PADI2: variants seen among roughly 807,000 people sequenced by gnomAD.
The protein encoded by PADI2 is protein-arginine deiminase type-2.
Under a neutral mutation model 81.1 loss-of-function variants are expected in PADI2, and 70 were observed. That is an observed-to-expected ratio of 0.86 (90% CI 0.71 to 1.05). The LOEUF (loss-of-function observed/expected upper bound fraction) is 1.05. Ranked by LOEUF, PADI2 falls within the 50% of genes least tolerant of loss-of-function variation. PADI2 has a pLI of 0.00. For missense variants in PADI2, 853 were observed against 889.9 expected, an observed-to-expected ratio of 0.96 and a Z score of 0.53; for synonymous variants, 338 against 358.0, an observed-to-expected ratio of 0.94 and a Z score of 0.63.
At chr1:17,072,684 C>T (rs766962025) in intron 13 of PADI2, among the ~76,000 whole-genome samples, 1 of 152,200 alleles carries the variant, frequency 6.6e-6, no homozygotes, top group African/African-American at 2.4e-5. Flanking sequence ...CTGACAATGA[C>T]GATGCCTGAC....
Position 17,086,679 on chromosome 1 carries a change from A to T in PADI2, c.676T>A (p.Tyr226Asn). Reference protein sequence around the residue: ...YVENPFFGQRYIHILGRRKLY... With the variant: ...YVENPFFGQRNIHILGRRKLY... ...TTCCGCCGGCCCAGGATGTGGATATAGCGTTGGCCGAAGAACGGGTCTGGA... is the reference window on the plus strand; with the variant it reads ...TTCCGCCGGCCCAGGATGTGGATATTGCGTTGGCCGAAGAACGGGTCTGGA... Residue 226 changes from tyrosine to asparagine, a missense_variant, in exon 7 of 16, where the codon TAT becomes AAT. Transcript: ENST00000375486. 1 of 1,613,994 alleles carries T rather than the reference A, an allele frequency of 6.2e-7. No individual in the cohort carries two copies. Among genetic ancestry groups the T allele is most frequent in the Non-Finnish European group, 8.5e-7 (1 of 1,179,986 alleles).
chr1:17,088,777 C>T (rs995291694), intron 6 of PADI2, among the ~76,000 whole-genome samples: 2 of 151,740 alleles, frequency 1.3e-5, no homozygotes, highest in Admixed American at 6.6e-5. Context: ...CATGGTGGTG[C>T]GTGCCTGTAA....
At chr1:17,099,581 A>G (rs1406887966) in intron 3 of PADI2, among the ~76,000 whole-genome samples, 1 of 152,180 alleles carries the variant, frequency 6.6e-6, no homozygotes, top group Non-Finnish European at 1.5e-5. Context: ...CCTTGGCGGG[A>G]TTGGGACAAA....
intron 6 of PADI2, among the ~76,000 whole-genome samples, chr1:17,090,579 G>C (rs984482735): frequency 8.7e-6 from 1 of 115,424 alleles, no homozygotes; most frequent in Admixed American, 1.1e-4. Flanking sequence ...GTCGTCCTTT[G>C]CTTGTGTGTG....
In PADI2 at chr1:17,079,291, C is replaced by T. The variant is rs866216415; in HGVS notation, c.1283G>A (p.Arg428His). Residue 428 changes from arginine to histidine, a missense_variant, in exon 11 of 16, where the codon CGC becomes CAC. Coordinates refer to ENST00000375486, the MANE Select transcript of PADI2 (RefSeq NM_007365.3). The stretch of plus-strand genomic sequence containing the variant: ...AGGAAAGCTGCTCCCGATGAGGATG[C>T]GGCCAAGCGGGTATGTCTTGCCGTT... Reference protein sequence around the residue: ...TVNGKTYPLGRILIGSSFPLS... With the variant: ...TVNGKTYPLGHILIGSSFPLS... 10 of 1,613,910 alleles carry T rather than the reference C, an allele frequency of 6.2e-6. No homozygotes were observed. Among genetic ancestry groups the T allele is most frequent in the East Asian group, 4.5e-5 (2 of 44,868 alleles).
rs768089008 is a variant in PADI2, at chr1:17,075,347, TG to T, written c.1455+331del. The stretch of plus-strand genomic sequence containing the variant: ...CAACACAATAGCCACTAGCCTTATG[TG>T]ACTATTGAACACTTGAGCTGTGGCT... On this transcript the variant is annotated intron_variant, in intron 12 of 15. Transcript: ENST00000375486. 476 of 342,960 alleles carry T rather than the reference TG, an allele frequency of 1.4e-3. 5 individuals carry two copies. Among genetic ancestry groups the T allele is most frequent in the Non-Finnish European group, 2.3e-3 (423 of 187,674 alleles). The allele number at this position is 342,960 out of a possible 1,614,324, so 21.2% of individuals were successfully genotyped here.
Position 17,071,542 on chromosome 1 carries a change from A to C in PADI2, c.1550-51T>G, listed in dbSNP as rs187370556. ...GGTCAAGCTTTAGATACCCAGGCTG[A>C]GTGTTCCCCTTTTGCCAAGATCCTC... is the stretch of plus-strand genomic sequence containing the variant. On this transcript the variant is annotated intron_variant, in intron 13 of 15. Coordinates refer to ENST00000375486, the MANE Select transcript of PADI2 (RefSeq NM_007365.3). 8 of 1,422,918 alleles carry C rather than the reference A, an allele frequency of 5.6e-6. No homozygotes were observed. The Admixed American group carries it at 1.2e-4, about 21-fold the overall frequency. The allele number at this position is 1,422,918 out of a possible 1,614,324, so 88.1% of individuals were successfully genotyped here. A position where few individuals can be genotyped will look rare whatever the true frequency, so the allele number is the denominator to read the frequency against.
rs148233687 is a variant in PADI2, at chr1:17,079,319, C to T, written c.1255G>A (p.Val419Met). 2,538 of 1,613,986 alleles carry T rather than the reference C, an allele frequency of 1.6e-3. 5 individuals carry two copies. Among genetic ancestry groups the T allele is most frequent in the Admixed American group, 2.0e-3 (122 of 60,020 alleles). Reference sequence around the variant, plus strand: ...CCAAGCGGGTATGTCTTGCCGTTCACGGTCACTGGGGGACTGACCTCCAGG... The same window carrying T: ...CCAAGCGGGTATGTCTTGCCGTTCATGGTCACTGGGGGACTGACCTCCAGG... Reference protein sequence around the residue: ...GNLEVSPPVTVNGKTYPLGRI... With the variant: ...GNLEVSPPVTMNGKTYPLGRI... Residue 419 changes from valine (V) to methionine (M), a missense_variant, in exon 11 of 16, where the codon GTG becomes ATG. Val to Met is a conservative substitution (Grantham distance 21). Coordinates refer to ENST00000375486, the MANE Select transcript of PADI2 (RefSeq NM_007365.3).
intron 15 of PADI2, among the ~76,000 whole-genome samples, chr1:17,069,807 C>A (rs1164318590): frequency 1.3e-5 from 2 of 152,236 alleles, no homozygotes; most frequent in Admixed American, 6.5e-5. Context: ...TAACAGAAAT[C>A]CCTCCTGTAC....
rs200044687 is a variant in PADI2 at position 17,079,438 on chromosome 1, C to T, written c.1159-23G>A. 842 of 1,601,386 alleles carry T rather than the reference C, an allele frequency of 5.3e-4. 3 individuals carry two copies. Among genetic ancestry groups the T allele is most frequent in the South Asian group, 3.3e-3 (301 of 90,466 alleles). On this transcript the variant is annotated intron_variant, in intron 10 of 15. Coordinates refer to ENST00000375486, the MANE Select transcript of PADI2 (RefSeq NM_007365.3). ...GCCCTAGGCAGAGGGCACACACCTGCGTTAGTCTTCTGCAGCCAGGGTCCT... is the reference window on the plus strand; with the variant it reads ...GCCCTAGGCAGAGGGCACACACCTGTGTTAGTCTTCTGCAGCCAGGGTCCT...
At chr1:17,093,819 G>GTGAA (rs1930799791) in intron 4 of PADI2, 135 bp from the exon 5 acceptor site, 1 of 584,626 alleles carries the variant, frequency 1.7e-6, no homozygotes, top group Non-Finnish European at 3.1e-6. Context: ...CCTGGCAAAT[G>GTGAA]TGAATCTCAA....
chr1:17,100,046 G>GGT (rs1553183375), intron 3 of PADI2, among the ~76,000 whole-genome samples: 163 of 26,772 alleles, frequency 6.1e-3, no homozygotes, highest in African/African-American at 0.035. Flanking sequence ...TATTGGGGTT[G>GGT]GGGGGGGGCT....
chr1:17,094,022 C>G (rs1025709079), intron 4 of PADI2, among the ~76,000 whole-genome samples: 3 of 152,046 alleles, frequency 2.0e-5, no homozygotes, highest in Non-Finnish European at 4.4e-5. Context: ...TCCCTAGGTC[C>G]CTAGGGGAGC....
At position 17,092,465 on chromosome 1, in the gene PADI2, T is replaced by C. The variant is rs1401608703; in HGVS notation, c.598A>G (p.Ile200Val). 9 of 1,605,504 alleles carry C rather than the reference T, an allele frequency of 5.6e-6. No individual in the cohort carries two copies. The highest frequency in any genetic ancestry group is 7.6e-6 in the Non-Finnish European group (9 of 1,176,820). The change falls in exon 6 of 16, where the codon ATA (isoleucine) becomes GTA (valine). Residue 200 changes from isoleucine (I) to valine (V), a missense_variant. By Grantham distance (29) the Ile-to-Val change is conservative (BLOSUM62 3). Transcript: ENST00000375486. ...TCTGACATGGAAATGTACAGAACTA[T>C]CTCGTATCCGGCGGGGAGGCGGTCG... ...GPDRLPAGYEIVLYISMSDSD... is the reference protein window; with the variant it reads ...GPDRLPAGYEVVLYISMSDSD...
chr1:17,070,053 G>T lies in PADI2; in HGVS notation c.1764+35C>A, dbSNP rs753674633. 3.7e-6 allele frequency: 6 copies of T among 1,605,608 alleles called. No individual in the cohort carries two copies. In the Admixed American group the frequency reaches 6.7e-5, roughly 18 times the overall value. On this transcript the variant is annotated intron_variant, in intron 15 of 15. Transcript: ENST00000375486. ...TTCTGGATCTGGCTGCCCTGTACTG[G>T]CATGGGGCGAGGGTTGGGGTCTGCA...
At chr1:17,110,174 C>T (rs1371185143) in intron 1 of PADI2, among the ~76,000 whole-genome samples, 1 of 152,172 alleles carries the variant, frequency 6.6e-6, no homozygotes, top group Non-Finnish European at 1.5e-5. Flanking sequence ...CTCGCAGAAA[C>T]CCGAGAGCCA....
intron 1 of PADI2, among the ~76,000 whole-genome samples, chr1:17,106,929 G>A (rs190996815): frequency 6.6e-6 from 1 of 152,292 alleles, no homozygotes; most frequent in Admixed American, 6.5e-5. Flanking sequence ...CCCCGACCAT[G>A]CCACCACCCT....
intron 11 of PADI2, among the ~76,000 whole-genome samples, chr1:17,076,337 C>G (rs1366182505): frequency 6.6e-6 from 1 of 152,122 alleles, no homozygotes; most frequent in East Asian, 1.9e-4. Context: ...GCCTCAGCAT[C>G]CTGAGTAGCT....
chr1:17,083,427 G>A (rs2078361598), intron 9 of PADI2: 1 of 360,540 alleles, frequency 2.8e-6, no homozygotes, highest in Non-Finnish European at 5.1e-6. Flanking sequence ...AGCACATCCT[G>A]TATCCATATT....
Sources: gnomAD v4.1 joint callset for allele counts (sites outside exome capture counted in the v4.1 genomes callset) on GRCh38, gnomAD v4.1.1 for gene constraint, MANE v1.5 for transcripts, NCBI Gene and HGNC (gene_info 2026-07-23, HGNC 2026-07-21) for gene names.